Variants in STK32B observed in about 807,000 individuals in gnomAD.
STK32B encodes the protein serine/threonine-protein kinase 32B.
STK32B carries 43 observed loss-of-function variants against 52.6 expected under a neutral mutation model. The observed-to-expected ratio is 0.82, with a 90% CI of 0.64 to 1.05. STK32B has a LOEUF of 1.05. Among genes scored for constraint, STK32B ranks in the 50% least tolerant of loss-of-function variants. The pLI is 0.00. For missense variants in STK32B, 621 were observed against 534.6 expected, an observed-to-expected ratio of 1.16 and a Z score of -1.59; for synonymous variants, 238 against 204.3, an observed-to-expected ratio of 1.17 and a Z score of -1.41.
At chr4:5,274,893 G>A (rs1202126280) in intron 3 of STK32B, among the ~76,000 whole-genome samples, 2 of 152,164 alleles carry the variant, frequency 1.3e-5, no homozygotes, top group Admixed American at 6.5e-5. Flanking sequence ...CCAGCGAGGC[G>A]CCCATTGCCA....
In STK32B at chr4:5,398,915, C is replaced by G. The variant is rs1008594072; in HGVS notation, c.472+671C>G. Reference sequence around the variant, plus strand: ...GTAGCAAGGCACCAAGTCAGTGGCTCTCCAACTCTGGCCTTACCAGAATTA... The same window carrying G: ...GTAGCAAGGCACCAAGTCAGTGGCTGTCCAACTCTGGCCTTACCAGAATTA... On this transcript the variant is annotated intron_variant, in intron 5 of 11. Transcript: ENST00000282908. The surrounding 1 kb of genome is among the most constrained non-coding windows in gnomAD (Gnocchi z 4.9). Among the ~76,000 whole-genome samples, 6 of 152,330 alleles carry G rather than the reference C, an allele frequency of 3.9e-5. No homozygotes were observed. The highest frequency in any genetic ancestry group is 1.2e-4 in the African/African-American group (5 of 41,568).
intron 11 of STK32B, among the ~76,000 whole-genome samples, chr4:5,486,005 G>A (rs1358662942): frequency 1.3e-5 from 2 of 152,212 alleles, no homozygotes; most frequent in East Asian, 1.9e-4. Context: ...CTACTGCGGG[G>A]TGCCTCCCAG....
chr4:5,473,753 G>T (rs1413440018), intron 11 of STK32B, among the ~76,000 whole-genome samples: 1 of 152,190 alleles, frequency 6.6e-6, no homozygotes, highest in Non-Finnish European at 1.5e-5. Flanking sequence ...CACAATGGCA[G>T]CAAACCCAGC....
rs1442338470 is a variant in STK32B, at chr4:5,470,631, A to G, written c.1106+2561A>G. 6.6e-6 allele frequency among the ~76,000 whole-genome samples: 1 copy of G among 151,596 alleles called. No homozygotes were observed. The highest frequency in any genetic ancestry group is 2.4e-5 in the African/African-American group (1 of 41,350). Reference sequence around the variant, plus strand: ...AGATGCATCAGCCGACCCCATCCCCACCTCATCTTGTGGGAAGAGAGCCAT... The same window carrying G: ...AGATGCATCAGCCGACCCCATCCCCGCCTCATCTTGTGGGAAGAGAGCCAT... On this transcript the variant is annotated intron_variant, in intron 11 of 11. Transcript: ENST00000282908. The surrounding 1 kb of genome is among the most constrained non-coding windows in gnomAD (Gnocchi z 4.6).
At chr4:5,061,636 T>C (rs1365299962) in intron 1 of STK32B, among the ~76,000 whole-genome samples, 3 of 152,250 alleles carry the variant, frequency 2.0e-5, no homozygotes, top group African/African-American at 7.2e-5. Context: ...ATCTGTGCTA[T>C]AGGTGATAGG....
At chr4:5,178,991 G>T (rs982380505) in intron 3 of STK32B, among the ~76,000 whole-genome samples, 1 of 152,144 alleles carries the variant, frequency 6.6e-6, no homozygotes, top group Admixed American at 6.5e-5. Flanking sequence ...TACTGCCTCG[G>T]TACCAATGTA....
the STK32B span, among the ~76,000 whole-genome samples, chr4:5,033,759 A>G: frequency 6.6e-6 from 1 of 152,104 alleles, no homozygotes. Context: ...TCCAGATTAT[A>G]CTTGAAACGC....
At chr4:5,143,682 G>C (rs887040540) in intron 2 of STK32B, among the ~76,000 whole-genome samples, 3 of 152,054 alleles carry the variant, frequency 2.0e-5, no homozygotes, top group African/African-American at 7.2e-5. Context: ...CTCCTAGCCT[G>C]CTGTTCTCTC....
In STK32B at chr4:5,467,974, T is replaced by C. The variant is rs1481960414; in HGVS notation, c.1042-32T>C. 6.2e-7 allele frequency: 1 copy of C among 1,613,814 alleles called. No individual in the cohort carries two copies. ...CCGCGCGTCCCCGGACCGTGCTTTG[T>C]CATTTAGTCACCCCTCTGTGCTCTT... is the stretch of plus-strand genomic sequence containing the variant. On this transcript the variant is annotated intron_variant, in intron 10 of 11. Coordinates refer to ENST00000282908, the MANE Select transcript of STK32B (RefSeq NM_018401.3). This position sits in a 1 kb window ranked among gnomAD's most constrained non-coding sequence, Gnocchi z 5.8.
chr4:5,286,535 A>T (rs973290898), intron 3 of STK32B, among the ~76,000 whole-genome samples: 84 of 152,296 alleles, frequency 5.5e-4, no homozygotes, highest in Non-Finnish European at 2.1e-4. Flanking sequence ...TTAGTTTTGA[A>T]TTTTCTATAA....
At chr4:5,246,594 A>C (rs576395712) in intron 3 of STK32B, among the ~76,000 whole-genome samples, 1 of 152,186 alleles carries the variant, frequency 6.6e-6, no homozygotes, top group East Asian at 1.9e-4. Context: ...TTCTCTGTCC[A>C]GCTTTGTTCT....
chr4:5,307,163 G>T (rs1021423330), intron 3 of STK32B, among the ~76,000 whole-genome samples: 1 of 152,098 alleles, frequency 6.6e-6, no homozygotes, highest in East Asian at 1.9e-4. Flanking sequence ...TTTTGAACTT[G>T]TTGTATTTGA....
intron 3 of STK32B, among the ~76,000 whole-genome samples, chr4:5,243,399 G>T (rs1443435307): frequency 6.6e-6 from 1 of 152,182 alleles, no homozygotes; most frequent in Non-Finnish European, 1.5e-5. Flanking sequence ...TGGTGTATAA[G>T]AATGCTTGCG....
At chr4:5,319,023 C>T (rs1300032859) in intron 3 of STK32B, among the ~76,000 whole-genome samples, 1 of 152,086 alleles carries the variant, frequency 6.6e-6, no homozygotes, top group African/African-American at 2.4e-5. Context: ...CGAGGATGGT[C>T]TCGATCTCCT....
At chr4:5,441,540 C>A (rs1370547282) in intron 6 of STK32B, among the ~76,000 whole-genome samples, 1 of 151,066 alleles carries the variant, frequency 6.6e-6, no homozygotes, top group African/African-American at 2.4e-5. Flanking sequence ...TTTGTTGATC[C>A]TTTCAAAAAA....
chr4:5,245,328 T>C (rs540089098), intron 3 of STK32B, among the ~76,000 whole-genome samples: 78 of 152,358 alleles, frequency 5.1e-4, no homozygotes, highest in African/African-American at 1.9e-3. Context: ...TTTACCATTA[T>C]GTAATGGCCT....
At chr4:5,317,829 C>T (rs1577340865) in intron 3 of STK32B, among the ~76,000 whole-genome samples, 1 of 151,942 alleles carries the variant, frequency 6.6e-6, no homozygotes, top group Admixed American at 6.6e-5. Context: ...AGGCATTCAT[C>T]TAAGTGTTTT....
chr4:5,343,919 G>T (rs1277651043), intron 4 of STK32B, among the ~76,000 whole-genome samples: 1 of 152,144 alleles, frequency 6.6e-6, no homozygotes, highest in South Asian at 2.1e-4. Flanking sequence ...CTTAAGTTTT[G>T]CATTCTACTC....
At chr4:5,292,333 A>G (rs1343800988) in intron 3 of STK32B, among the ~76,000 whole-genome samples, 1 of 152,142 alleles carries the variant, frequency 6.6e-6, no homozygotes, top group East Asian at 1.9e-4. Flanking sequence ...TATAATAGCC[A>G]TTCTGACTGA....
Sources: allele counts gnomAD v4.1 joint callset (sites outside exome capture counted in the v4.1 genomes callset), GRCh38; gene constraint gnomAD v4.1.1; non-coding constraint Gnocchi (gnomAD v3.1); transcripts MANE v1.5; gene names NCBI Gene and HGNC (gene_info 2026-07-23, HGNC 2026-07-21).